CPEB3: variants seen among roughly 807,000 people sequenced by gnomAD.
CPEB3 encodes cytoplasmic polyadenylation element-binding protein 3.
A neutral mutation model predicts 67.2 loss-of-function variants in CPEB3; 20 were observed. The observed-to-expected ratio is 0.30, with a 90% CI of 0.21 to 0.43. CPEB3 has a LOEUF of 0.43. CPEB3 is among the 20% of genes least tolerant of loss of function. The probability of loss-of-function intolerance (pLI) is 1.00; values close to 1 mark genes in which losing one functional copy is unlikely to be tolerated. For missense variants in CPEB3, 746 were observed against 968.6 expected (o/e 0.77, Z 3.05); for synonymous variants, 376 against 393.1 (o/e 0.96, Z 0.51).
At chr10:92,250,491 T>C (rs1852247554) in intron 1 of CPEB3, among the ~76,000 whole-genome samples, 1 of 152,170 alleles carries the variant, frequency 6.6e-6, no homozygotes, top group African/African-American at 2.4e-5. Flanking sequence ...AGAAAAGTTC[T>C]TTTTATAAAT....
intron 2 of CPEB3, among the ~76,000 whole-genome samples, chr10:92,229,689 G>A (rs1851170540): frequency 2.6e-5 from 4 of 152,202 alleles, no homozygotes; most frequent in South Asian, 4.1e-4. Context: ...AATTGAAGAT[G>A]TCCTTTATAA....
chr10:92,104,331 G>A (rs530142694), intron 7 of CPEB3, among the ~76,000 whole-genome samples: 54 of 151,388 alleles, frequency 3.6e-4, no homozygotes, highest in African/African-American at 1.2e-3. Flanking sequence ...AAGGGGTGGC[G>A]TTGGCTATTT....
At chr10:92,223,649 C>T (rs1408002534) in intron 2 of CPEB3, among the ~76,000 whole-genome samples, 11 of 146,638 alleles carry the variant, frequency 7.5e-5, no homozygotes, top group Non-Finnish European at 3.0e-5. Flanking sequence ...TCTCGGATCA[C>T]CGCAACCTCC....
intron 9 of CPEB3, among the ~76,000 whole-genome samples, chr10:92,069,558 T>A (rs1842676280): frequency 6.6e-6 from 1 of 152,056 alleles, no homozygotes; most frequent in South Asian, 2.1e-4. Flanking sequence ...CACGTACCAC[T>A]ACCGTCCAGC....
At chr10:92,211,498 A>G (rs1436573206) in intron 2 of CPEB3, among the ~76,000 whole-genome samples, 1 of 151,962 alleles carries the variant, frequency 6.6e-6, no homozygotes, top group Non-Finnish European at 1.5e-5. Context: ...CTAAGCTCAA[A>G]TTGTTTTAAA....
intron 8 of CPEB3, among the ~76,000 whole-genome samples, chr10:92,082,899 G>C (rs1472171036): frequency 6.6e-6 from 1 of 152,148 alleles, no homozygotes; most frequent in East Asian, 1.9e-4. Flanking sequence ...ATCTCCACAG[G>C]AATCAGTATC....
chr10:92,187,842 G>A (rs1051929059), intron 3 of CPEB3, among the ~76,000 whole-genome samples: 4 of 152,166 alleles, frequency 2.6e-5, no homozygotes, highest in Non-Finnish European at 4.4e-5. Flanking sequence ...TGAGAACAGA[G>A]AACAGTTGCT....
intron 1 of CPEB3, among the ~76,000 whole-genome samples, chr10:92,287,489 C>T (rs1019606464): frequency 6.6e-6 from 1 of 152,146 alleles, no homozygotes; most frequent in African/African-American, 2.4e-5. Context: ...ATATGTGTCA[C>T]CCATTTCAAA....
At chr10:92,156,051 G>A (rs1044048837) in intron 4 of CPEB3, among the ~76,000 whole-genome samples, 12 of 152,236 alleles carry the variant, frequency 7.9e-5, no homozygotes, top group African/African-American at 2.6e-4. Context: ...CTAACGCTAC[G>A]TAGGGCCCAG....
chr10:92,068,358 A>C (rs1842632193), intron 9 of CPEB3, among the ~76,000 whole-genome samples: 1 of 152,132 alleles, frequency 6.6e-6, no homozygotes, highest in Non-Finnish European at 1.5e-5. Context: ...AAAAATGTGA[A>C]ATGAGTAACT....
At chr10:92,185,439 A>G (rs531321269) in intron 3 of CPEB3, among the ~76,000 whole-genome samples, 2 of 152,306 alleles carry the variant, frequency 1.3e-5, no homozygotes, top group Admixed American at 1.3e-4. Context: ...TCACAGTCCC[A>G]TAAGCTCAAT....
intron 3 of CPEB3, among the ~76,000 whole-genome samples, chr10:92,188,726 A>T (rs1221084469): frequency 6.6e-6 from 1 of 152,170 alleles, no homozygotes; most frequent in East Asian, 1.9e-4. Flanking sequence ...TCTCAGAAAA[A>T]AAATAAATAA....
chr10:92,262,187 C>A (rs1177494425), intron 1 of CPEB3, among the ~76,000 whole-genome samples: 1 of 152,106 alleles, frequency 6.6e-6, no homozygotes, highest in South Asian at 2.1e-4. Context: ...GACCACCTGC[C>A]CTAATGCTGC....
intron 7 of CPEB3, among the ~76,000 whole-genome samples, chr10:92,097,689 T>C (rs1843945341): frequency 6.6e-6 from 1 of 152,172 alleles, no homozygotes; most frequent in Non-Finnish European, 1.5e-5. Context: ...CAACAGTTAG[T>C]AGTGAAATCA....
intron 7 of CPEB3, among the ~76,000 whole-genome samples, chr10:92,099,157 C>T (rs1420560962): frequency 6.6e-6 from 1 of 150,998 alleles, no homozygotes; most frequent in African/African-American, 2.4e-5. Flanking sequence ...AACTAAAGGT[C>T]ATTAATAGGG....
intron 1 of CPEB3, among the ~76,000 whole-genome samples, chr10:92,265,289 C>G (rs1442326303): frequency 2.0e-5 from 3 of 152,176 alleles, no homozygotes; most frequent in Non-Finnish European, 4.4e-5. Context: ...AAGCCCTATT[C>G]AGATTGTTCT....
At chr10:92,246,219 G>C (rs952095467) in intron 1 of CPEB3, among the ~76,000 whole-genome samples, 1 of 149,276 alleles carries the variant, frequency 6.7e-6, no homozygotes, top group East Asian at 2.0e-4. Context: ...CTGTAGTCCT[G>C]GCTACTCGGG....
intron 1 of CPEB3, among the ~76,000 whole-genome samples, chr10:92,267,949 G>A (rs986540874): frequency 6.6e-6 from 1 of 152,230 alleles, no homozygotes. Flanking sequence ...CTCCCGAGTA[G>A]CTGGGACTAC....
intron 3 of CPEB3, among the ~76,000 whole-genome samples, chr10:92,187,794 T>A (rs1848761420): frequency 6.6e-6 from 1 of 152,182 alleles, no homozygotes; most frequent in Admixed American, 6.5e-5. Context: ...TCCTCATAGT[T>A]ATGAAGAGAG....
Sources: allele counts gnomAD v4.1 joint callset (sites outside exome capture counted in the v4.1 genomes callset), GRCh38; gene constraint gnomAD v4.1.1; transcripts MANE v1.5; gene names NCBI Gene and HGNC (gene_info 2026-07-23, HGNC 2026-07-21).